The following FAM53B variants were observed in gnomAD, a reference collection of about 807,000 sequenced individuals.
The protein encoded by FAM53B is family with sequence similarity 53 member B, also known as protein FAM53B.
Under a neutral mutation model 32.7 loss-of-function variants are expected in FAM53B, and 12 were observed. The ratio of observed to expected loss-of-function variants is 0.37; its 90% CI spans 0.24 to 0.59. The LOEUF (loss-of-function observed/expected upper bound fraction) is 0.59. Ranked by LOEUF, FAM53B falls within the 20% of genes least tolerant of loss-of-function variation. The probability of loss-of-function intolerance (pLI) is 0.72; values close to 1 mark genes in which losing one functional copy is unlikely to be tolerated. For missense variants in FAM53B, 477 were observed against 577.7 expected (o/e 0.83, Z 1.79); for synonymous variants, 234 against 228.7 (o/e 1.02, Z -0.21).
intron 4 of FAM53B, among the ~76,000 whole-genome samples, chr10:124,659,759 A>G (rs571270353): frequency 2.0e-5 from 3 of 152,222 alleles, no homozygotes; most frequent in Non-Finnish European, 4.4e-5. Flanking sequence ...GGGCCAGAAG[A>G]TATCTGGCTG....
At position 124,656,837 on chromosome 10, in the gene FAM53B, T is replaced by C. The variant is rs1589740032; in HGVS notation, c.906+24770A>G. 2.6e-5 allele frequency among the ~76,000 whole-genome samples: 4 copies of C among 151,536 alleles called. No homozygotes were observed. The East Asian group carries it at 7.7e-4, about 29-fold the overall frequency. On this transcript the variant is annotated intron_variant, in intron 4 of 4. Coordinates refer to ENST00000337318, the MANE Select transcript of FAM53B (RefSeq NM_014661.4). ...ACAAGCCAGGAGTTTTTTTAAAAAC[T>C]GTGACAACACTTGGACACAGGAAGG...
intron 4 of FAM53B, among the ~76,000 whole-genome samples, chr10:124,646,996 C>A (rs537260731): frequency 6.6e-6 from 1 of 152,202 alleles, no homozygotes; most frequent in Non-Finnish European, 1.5e-5. Flanking sequence ...CTTGGCAGAC[C>A]CTGCAGCAGG....
intron 4 of FAM53B, among the ~76,000 whole-genome samples, chr10:124,669,352 G>A (rs1159990232): frequency 1.3e-5 from 2 of 152,304 alleles, no homozygotes; most frequent in East Asian, 1.9e-4. Context: ...GAACTAAAGC[G>A]CTCTTCCAGA....
chr10:124,631,723 C>A (rs994591409), intron 4 of FAM53B, among the ~76,000 whole-genome samples: 1 of 152,178 alleles, frequency 6.6e-6, no homozygotes, highest in Non-Finnish European at 1.5e-5. Flanking sequence ...CCTTCTATAG[C>A]AAACCTCTTT....
At chr10:124,678,868 G>C (rs1949752181) in intron 4 of FAM53B, among the ~76,000 whole-genome samples, 1 of 152,174 alleles carries the variant, frequency 6.6e-6, no homozygotes, top group Non-Finnish European at 1.5e-5. Context: ...ATGGCCAGAG[G>C]GAAGCCCCCG....
At chr10:124,740,833 A>T (rs1950195322) in intron 1 of FAM53B, among the ~76,000 whole-genome samples, 1 of 152,016 alleles carries the variant, frequency 6.6e-6, no homozygotes, top group Non-Finnish European at 1.5e-5. Flanking sequence ...CGTGGAGGGG[A>T]GGGTAGCAGC....
At chr10:124,698,001 G>T (rs536969815) in intron 2 of FAM53B, among the ~76,000 whole-genome samples, 1 of 152,194 alleles carries the variant, frequency 6.6e-6, no homozygotes, top group Non-Finnish European at 1.5e-5. Context: ...GATGACAAGC[G>T]CATGAGAGCA....
Position 124,623,319 on chromosome 10 carries a change from G to T in FAM53B, c.1192C>A (p.Arg398=). ...CTGTTCCCAGGGGCCCCGCGGTCCCGCCAGGCTGCAGCCGGCTCCGCTCTC... is the reference window on the plus strand; with the variant it reads ...CTGTTCCCAGGGGCCCCGCGGTCCCTCCAGGCTGCAGCCGGCTCCGCTCTC... ...GRRAEPAAAW[R]DRGAPGNSLC... Residue 398 remains arginine, a synonymous_variant, in exon 5 of 5, where the codon CGG becomes AGG. Transcript: ENST00000337318. The T allele has an allele frequency of 1.2e-6, 2 of 1,612,404 alleles. No homozygotes were observed. Among genetic ancestry groups the T allele is most frequent in the Non-Finnish European group, 8.5e-7 (1 of 1,179,726 alleles).
At chr10:124,724,169 G>A (rs1388587241) in intron 1 of FAM53B, among the ~76,000 whole-genome samples, 1 of 152,238 alleles carries the variant, frequency 6.6e-6, no homozygotes, top group Non-Finnish European at 1.5e-5. Context: ...GATCTGGGGA[G>A]ATTTCCTAGA....
chr10:124,631,148 C>G (rs527648781), intron 4 of FAM53B, among the ~76,000 whole-genome samples: 1 of 152,342 alleles, frequency 6.6e-6, no homozygotes, highest in South Asian at 2.1e-4. Context: ...TTGCTGTCCC[C>G]GCTCTGGTGG....
At chr10:124,736,303 C>T (rs886338607) in intron 1 of FAM53B, among the ~76,000 whole-genome samples, 2 of 152,254 alleles carry the variant, frequency 1.3e-5, no homozygotes, top group African/African-American at 4.8e-5. Flanking sequence ...CGTTTGACTG[C>T]CAAAGGGATT....
intron 4 of FAM53B, among the ~76,000 whole-genome samples, chr10:124,667,800 C>T (rs1949682239): frequency 6.6e-6 from 1 of 152,208 alleles, no homozygotes; most frequent in African/African-American, 2.4e-5. Flanking sequence ...TCACAAGCAG[C>T]AACAAAATAA....
intron 4 of FAM53B, among the ~76,000 whole-genome samples, chr10:124,630,960 T>C (rs909712000): frequency 6.6e-6 from 1 of 152,248 alleles, no homozygotes; most frequent in Non-Finnish European, 1.5e-5. Flanking sequence ...TCCTTTTCTG[T>C]GGACAAGGTA....
rs564425968 is a variant in FAM53B, at chr10:124,624,738, TG to T, written c.907-1135del. 3.4e-3 allele frequency among the ~76,000 whole-genome samples: 498 copies of T among 147,206 alleles called. 2 individuals carry two copies. The highest frequency in any genetic ancestry group is 0.011 in the African/African-American group (463 of 41,172). The stretch of plus-strand genomic sequence containing the variant: ...CCAGCGATGGGGGTAGGGCTGACAC[TG>T]TGCACAAGTGGGTGCAGTTCAACAC... On this transcript the variant is annotated intron_variant, in intron 4 of 4. Transcript: ENST00000337318.
At chr10:124,654,907 G>T (rs908658876) in intron 4 of FAM53B, among the ~76,000 whole-genome samples, 1 of 152,180 alleles carries the variant, frequency 6.6e-6, no homozygotes, top group Non-Finnish European at 1.5e-5. Flanking sequence ...CAGGCCCCTC[G>T]GGCTCCTTTT....
intron 4 of FAM53B, among the ~76,000 whole-genome samples, chr10:124,632,776 A>G (rs975220175): frequency 2.0e-5 from 3 of 152,250 alleles, no homozygotes; most frequent in African/African-American, 7.2e-5. Flanking sequence ...GAGAAGGGAC[A>G]TGCCCCAGAC....
chr10:124,628,689 C>A lies in FAM53B; in HGVS notation c.907-5085G>T, dbSNP rs548779845. Among the ~76,000 whole-genome samples the A allele has an allele frequency of 5.3e-5, 8 of 152,338 alleles. No homozygotes were observed. In the South Asian group the frequency reaches 1.7e-3, roughly 32 times the overall value. On this transcript the variant is annotated intron_variant, in intron 4 of 4. Coordinates refer to ENST00000337318, the MANE Select transcript of FAM53B (RefSeq NM_014661.4). ...GAGTGTTGGCTCTGACAGTTCATGG[C>A]TGCCCCTTCCGGAACTACTCTGGGC... is the stretch of plus-strand genomic sequence containing the variant.
chr10:124,671,264 C>T (rs1232921077), intron 4 of FAM53B: 19 of 441,302 alleles, frequency 4.3e-5, no homozygotes, highest in South Asian at 1.4e-4. Context: ...ACCAGCTAGC[C>T]GGCGCCCCTG....
chr10:124,688,713 G>T (rs554020774), intron 3 of FAM53B, among the ~76,000 whole-genome samples: 32 of 152,358 alleles, frequency 2.1e-4, no homozygotes, highest in African/African-American at 6.7e-4. Flanking sequence ...AAGAAGGGCA[G>T]AAGACTGCTG....
Sources: allele counts gnomAD v4.1 joint callset (sites outside exome capture counted in the v4.1 genomes callset), GRCh38; gene constraint gnomAD v4.1.1; transcripts MANE v1.5; gene names NCBI Gene and HGNC (gene_info 2026-07-23, HGNC 2026-07-21).